SLC13A4: variants seen among roughly 807,000 people sequenced by gnomAD.
SLC13A4 encodes solute carrier family 13 member 4, also known as Na(+)/sulfate cotransporter SUT-1.
SLC13A4 carries 28 observed loss-of-function variants against 72.7 expected under a neutral mutation model. The observed-to-expected ratio is 0.39, with a 90% CI of 0.29 to 0.53. The LOEUF is 0.53. SLC13A4 is among the 20% of genes least tolerant of loss of function. SLC13A4 has a pLI of 0.78. For synonymous variants in SLC13A4, 312 were observed against 325.5 expected, an observed-to-expected ratio of 0.96 and a Z score of 0.45; for missense variants, 653 against 788.0, an observed-to-expected ratio of 0.83 and a Z score of 2.05.
chr7:135,719,956 GGAGAGAGAGA>G (rs10700387), intron 2 of SLC13A4, among the ~76,000 whole-genome samples: 3 of 135,984 alleles, frequency 2.2e-5, no homozygotes, highest in Non-Finnish European at 3.1e-5. Context: ...GGAGTTGGGG[GGAGAGAGAGA>G]GAGAGAGAGA....
rs752658469 is a variant in SLC13A4, at chr7:135,721,464, C to T, written c.159G>A (p.Val53=). ...GCACCAGGGCTGCAGCTCCCAGAGG[C>T]ACTGCCTCCGACACCCAGTACACAG... ...VTAVYWVSEA[V]PLGAAALVPA... is the part of the protein sequence containing the mutation. Residue 53 remains valine, a synonymous_variant, in exon 2 of 16, where the codon GTG becomes GTA. Transcript: ENST00000682651. 1.2e-6 allele frequency: 2 copies of T among 1,614,120 alleles called. No homozygotes were observed.
At position 135,694,255 on chromosome 7, in the gene SLC13A4, A is replaced by G. The variant is rs771918523; in HGVS notation, c.1020-17T>C. The G allele has an allele frequency of 2.0e-6, 3 of 1,466,672 alleles. No individual in the cohort carries two copies. In the Admixed American group the frequency reaches 5.1e-5, roughly 25 times the overall value. The allele number at this position is 1,466,672 out of a possible 1,614,324, so 90.9% of individuals were successfully genotyped here. A position where few individuals can be genotyped will look rare whatever the true frequency, so the allele number is the denominator to read the frequency against. ...TCTTTAAAACTGAGAAGGGAGAATG[A>G]GCAAATGATTAAAGAAAACACACTT... On this transcript the variant is annotated splice_polypyrimidine_tract_variant and intron_variant, in intron 9 of 15. Coordinates refer to ENST00000682651, the MANE Select transcript of SLC13A4 (RefSeq NM_001318192.2).
intron 10 of SLC13A4, 51 bp downstream of exon 10, chr7:135,694,086 C>T: frequency 9.0e-7 from 1 of 1,109,370 alleles, no homozygotes; most frequent in Non-Finnish European, 1.4e-6. Flanking sequence ...GCTCACTTTA[C>T]CTGCTGTGTT....
chr7:135,685,587 T>C lies in SLC13A4; in HGVS notation c.1543A>G (p.Ile515Val). The change falls in exon 14 of 16, where the codon ATT becomes GTT. Residue 515 changes from isoleucine to valine, a missense_variant. Coordinates refer to ENST00000682651, the MANE Select transcript of SLC13A4 (RefSeq NM_001318192.2). Reference sequence around the variant, plus strand: ...GGGTTGCTCACAAACTCAGTGACAATGGACACGAGGATGCATGCCAGCAGG... The same window carrying C: ...GGGTTGCTCACAAACTCAGTGACAACGGACACGAGGATGCATGCCAGCAGG... ...VTLLACILVS[I>V]VTEFVSNPAT... 6.2e-7 allele frequency: 1 copy of C among 1,614,164 alleles called. No homozygotes were observed. The highest frequency in any genetic ancestry group is 1.1e-5 in the South Asian group (1 of 91,080).
intron 11 of SLC13A4, chr7:135,691,982 CCT>C: frequency 2.4e-6 from 1 of 415,244 alleles, no homozygotes; most frequent in Non-Finnish European, 4.3e-6. Flanking sequence ...GAAGGCCACA[CCT>C]CCATGTGCCT....
At chr7:135,690,773 C>T (rs1490484481) in intron 13 of SLC13A4, among the ~76,000 whole-genome samples, 1 of 152,156 alleles carries the variant, frequency 6.6e-6, no homozygotes, top group Non-Finnish European at 1.5e-5. Context: ...TTTCCCTTCC[C>T]AGGGACTCTG....
chr7:135,683,813 A>T, intron 15 of SLC13A4: 4 of 983,706 alleles, frequency 4.1e-6, no homozygotes, highest in Non-Finnish European at 4.8e-6. Flanking sequence ...CTAATGAAGA[A>T]ACGAAGGCAA....
chr7:135,687,776 C>CAT (rs60150214), intron 13 of SLC13A4, among the ~76,000 whole-genome samples: 104,150 of 151,804 alleles, frequency 0.69, 36,091 homozygotes, highest in East Asian at 0.89. Context: ...TTTTACTTAA[C>CAT]GTTATCCAAA....
In SLC13A4 at chr7:135,701,314, C is replaced by T. The variant is rs974233222; in HGVS notation, c.714+366G>A. Among the ~76,000 whole-genome samples the T allele has an allele frequency of 1.4e-4, 21 of 152,278 alleles. 1 individual carries two copies. The Middle Eastern group carries it at 0.01, about 74-fold the overall frequency. ...CTTCTGCATTTTGTTTCAGAGGAAT[C>T]GTGCCAGGAAGACAATTATTAGTTC... On this transcript the variant is annotated intron_variant, in intron 7 of 15. Transcript: ENST00000682651.
chr7:135,701,063 C>T (rs941605701), intron 7 of SLC13A4, among the ~76,000 whole-genome samples: 1 of 152,154 alleles, frequency 6.6e-6, no homozygotes, highest in East Asian at 1.9e-4. Context: ...TTCATCTCTG[C>T]CTTGTTTGCA....
intron 14 of SLC13A4, 107 bp from the exon 15 acceptor site, chr7:135,684,368 A>G: frequency 7.3e-7 from 1 of 1,363,824 alleles, no homozygotes. Flanking sequence ...TAACCTTAGC[A>G]GGACACTATG....
intron 2 of SLC13A4, among the ~76,000 whole-genome samples, chr7:135,720,269 T>A (rs1224717910): frequency 1.3e-5 from 2 of 152,172 alleles, no homozygotes; most frequent in Non-Finnish European, 2.9e-5. Flanking sequence ...GGTGTAGTGA[T>A]CAAGTGTATA....
At position 135,691,580 on chromosome 7, in the gene SLC13A4, G is replaced by T; in HGVS notation, c.1289C>A (p.Ala430Glu). The T allele has an allele frequency of 5.6e-6, 9 of 1,613,698 alleles. No homozygotes were observed. Among genetic ancestry groups the T allele is most frequent in the Non-Finnish European group, 7.6e-6 (9 of 1,179,648 alleles). The change falls in exon 12 of 16, where the codon GCG becomes GAG. Residue 430 changes from alanine (A) to glutamate (E), a missense_variant. Physicochemically the swap from Ala to Glu is moderately radical, Grantham distance 107. Transcript: ENST00000682651. ...CTTTTTCCCAAAGCAGGGCTTCTTC[G>T]CTGGAATGAGGAAGAGGAGGAAGCC... ...FLGFLLFLIP[A>E]KKPCFGKKND... is the part of the protein sequence containing the mutation.
chr7:135,681,627 C>G lies in SLC13A4; in HGVS notation c.1820G>C (p.Ser607Thr), dbSNP rs1795504059. ...VMVAINTWGV[S>T]LFHLDTYPAW... ...TGGGTAAGTGTCCAGGTGGAAGAGG[C>G]TAACTCCCCAGGTGTTGATGGCCAC... The change falls in exon 16 of 16, where the codon AGC (serine) becomes ACC (threonine). Residue 607 changes from serine to threonine, a missense_variant. Physicochemically the swap from Ser to Thr is moderately conservative, Grantham distance 58 (BLOSUM62 1). Transcript: ENST00000682651. The G allele has an allele frequency of 1.9e-6, 3 of 1,614,140 alleles. No individual in the cohort carries two copies. In the African/African-American group the frequency reaches 4.0e-5, roughly 22 times the overall value.
chr7:135,725,401 G>C (rs545458871), intron 1 of SLC13A4, among the ~76,000 whole-genome samples: 1 of 152,164 alleles, frequency 6.6e-6, no homozygotes, highest in Non-Finnish European at 1.5e-5. Context: ...CCCACTGGGG[G>C]CACTGAGGAA....
chr7:135,687,925 C>T (rs892773122), intron 13 of SLC13A4, among the ~76,000 whole-genome samples: 3 of 152,052 alleles, frequency 2.0e-5, no homozygotes, highest in African/African-American at 7.2e-5. Context: ...ATTCTCATGC[C>T]TCAGCCTCTT....
Position 135,706,143 on chromosome 7 carries a change from C to T in SLC13A4, c.523G>A (p.Glu175Lys). 1 of 1,603,464 alleles carries T rather than the reference C, an allele frequency of 6.2e-7. No homozygotes were observed. Among genetic ancestry groups the T allele is most frequent in the East Asian group, 2.2e-5 (1 of 44,594 alleles). ...CAAACTGTACTGATGGGTTCGGCCT[C>T]TTCGGTGTTGGAGTTGCCCGCCACG... Reference protein sequence around the residue: ...QLVAGNSNTEEAEPISLDVKN... With the variant: ...QLVAGNSNTEKAEPISLDVKN... Residue 175 changes from glutamate (E) to lysine (K), a missense_variant, in exon 4 of 16, where the codon GAG becomes AAG. Glu to Lys is a moderately conservative substitution (Grantham distance 56, BLOSUM62 1). Coordinates refer to ENST00000682651, the MANE Select transcript of SLC13A4 (RefSeq NM_001318192.2).
At position 135,685,543 on chromosome 7, in the gene SLC13A4, G is replaced by T. The variant is rs1284319966; in HGVS notation, c.1587C>A (p.Phe529Leu). The T allele has an allele frequency of 6.2e-7, 1 of 1,614,194 alleles. No individual in the cohort carries two copies. The highest frequency in any genetic ancestry group is 1.7e-5 in the Admixed American group (1 of 60,030). ...FVSNPATITI[F>L]LPILCSLSET... Reference sequence around the variant, plus strand: ...TCACCAGGCTGCACAGGATGGGCAGGAAGATGGTGATGGTTGCTGGGTTGC... The same window carrying T: ...TCACCAGGCTGCACAGGATGGGCAGTAAGATGGTGATGGTTGCTGGGTTGC... Residue 529 changes from phenylalanine (F) to leucine (L), a missense_variant, in exon 14 of 16, where the codon TTC (phenylalanine) becomes TTA (leucine). Physicochemically the swap from Phe to Leu is conservative, Grantham distance 22. Transcript: ENST00000682651.
At chr7:135,710,382 C>A (rs112848267) in intron 2 of SLC13A4, among the ~76,000 whole-genome samples, 1 of 152,026 alleles carries the variant, frequency 6.6e-6, no homozygotes, top group African/African-American at 2.4e-5. Context: ...GGCGACAGAG[C>A]GAGACTACGT....
Sources: gnomAD v4.1 joint callset for allele counts (sites outside exome capture counted in the v4.1 genomes callset) on GRCh38, gnomAD v4.1.1 for gene constraint, MANE v1.5 for transcripts, NCBI Gene and HGNC (gene_info 2026-07-23, HGNC 2026-07-21) for gene names.